DNAJC6: variants seen among roughly 807,000 people sequenced by gnomAD.
DNAJC6 encodes the protein DnaJ heat shock protein family (Hsp40) member C6.
Under a neutral mutation model 110.0 loss-of-function variants are expected in DNAJC6, and 34 were observed. The observed-to-expected ratio is 0.31, with a 90% CI of 0.24 to 0.41. DNAJC6 has a LOEUF of 0.41. DNAJC6 is among the 10% of genes least tolerant of loss of function. DNAJC6 has a pLI of 1.00. For synonymous variants in DNAJC6, 406 were observed against 437.2 expected (o/e 0.93, Z 0.89); for missense variants, 1,031 against 1,207.8 (o/e 0.85, Z 2.17).
chr1:65,379,685 T>G, intron 5 of DNAJC6, 161 bp downstream of exon 5: 1 of 1,100,004 alleles, frequency 9.1e-7, no homozygotes, highest in Non-Finnish European at 1.3e-6. Context: ...GAAAGGGATT[T>G]ATTATTCTTG....
At chr1:65,347,599 G>A (rs898253541) in intron 1 of DNAJC6, among the ~76,000 whole-genome samples, 17 of 151,900 alleles carry the variant, frequency 1.1e-4, no homozygotes, top group African/African-American at 4.1e-4. Context: ...ACAAAATATA[G>A]GTAATGTTTA....
chr1:65,399,217 T>C (rs917452714), intron 14 of DNAJC6, among the ~76,000 whole-genome samples: 3 of 152,286 alleles, frequency 2.0e-5, no homozygotes, highest in East Asian at 3.9e-4. Context: ...ATCTGAACAA[T>C]GGGGATAATA....
At chr1:65,408,054 A>C (rs1198768906) in intron 16 of DNAJC6, among the ~76,000 whole-genome samples, 2 of 152,214 alleles carry the variant, frequency 1.3e-5, no homozygotes, top group Non-Finnish European at 1.5e-5. Context: ...GTTGAGGAGT[A>C]GAGATAATAA....
At chr1:65,297,258 G>A (rs1644937479) in intron 1 of DNAJC6, among the ~76,000 whole-genome samples, 2 of 152,158 alleles carry the variant, frequency 1.3e-5, no homozygotes, top group African/African-American at 2.4e-5. Flanking sequence ...AGGGAAATTA[G>A]CTGGTCCTAG....
intron 1 of DNAJC6, among the ~76,000 whole-genome samples, chr1:65,273,599 G>GA (rs960125897): frequency 7.4e-5 from 11 of 148,734 alleles, no homozygotes; most frequent in South Asian, 2.1e-4. Context: ...CTGTCTCAAT[G>GA]AAAAAAAAAA....
At chr1:65,408,896 G>T (rs1302904946) in intron 17 of DNAJC6, 113 bp downstream of exon 17, 2 of 1,286,388 alleles carry the variant, frequency 1.6e-6, no homozygotes, top group Non-Finnish European at 2.1e-6. Flanking sequence ...GCCCATTCAG[G>T]CTGCTATAAC....
rs1392362771 is a variant in DNAJC6, at chr1:65,401,775, G to A, written c.2122G>A (p.Gly708Arg). The stretch of plus-strand genomic sequence containing the variant: ...TTCCTTTTCAGGAGGCTTTGGAATG[G>A]GAAGCAAGTCAGCTGCCACCAGCCC... ...WHAKPGGFGMGSKSAATSPTG... is the reference protein window; with the variant it reads ...WHAKPGGFGMRSKSAATSPTG... The change falls in exon 15 of 19, where the codon GGA (glycine) becomes AGA (arginine). Residue 708 changes from glycine to arginine, a missense_variant. Gly to Arg is a moderately radical substitution (Grantham distance 125, BLOSUM62 -2). Coordinates refer to ENST00000371069, the MANE Select transcript of DNAJC6 (RefSeq NM_001256864.2). The A allele has an allele frequency of 4.2e-5, 67 of 1,612,592 alleles. No homozygotes were observed. In the Admixed American group the frequency reaches 1.1e-3, roughly 27 times the overall value.
At chr1:65,336,833 T>C (rs1459522909) in intron 1 of DNAJC6, among the ~76,000 whole-genome samples, 1 of 152,236 alleles carries the variant, frequency 6.6e-6, no homozygotes. Flanking sequence ...TAGTCCTTAC[T>C]ATCCTCAAAT....
chr1:65,286,186 T>G (rs573494571), intron 1 of DNAJC6, among the ~76,000 whole-genome samples: 4 of 152,224 alleles, frequency 2.6e-5, no homozygotes, highest in African/African-American at 7.2e-5. Context: ...CTTTTGTTAA[T>G]TAGGGTTCAG....
At chr1:65,406,246 G>A in intron 16 of DNAJC6, 113 bp downstream of exon 16, 1 of 1,379,374 alleles carries the variant, frequency 7.2e-7, no homozygotes, top group Non-Finnish European at 9.9e-7. Context: ...CAATTCAGTA[G>A]TTTCTGAGGG....
At position 65,290,424 on chromosome 1, in the gene DNAJC6, G is replaced by A. The variant is rs184709640; in HGVS notation, c.-131+25492G>A. Among the ~76,000 whole-genome samples, 192 of 152,236 alleles carry A rather than the reference G, an allele frequency of 1.3e-3. 1 individual carries two copies. The highest frequency in any genetic ancestry group is 4.1e-3 in the African/African-American group (169 of 41,544). ...TGAGTACTGTTTAAGAATTCTGTTTGCGTCAATATCGTGATATTACTTTAT... is the reference window on the plus strand; with the variant it reads ...TGAGTACTGTTTAAGAATTCTGTTTACGTCAATATCGTGATATTACTTTAT... On this transcript the variant is annotated intron_variant, in intron 1 of 19. Coordinates refer to the DNAJC6 transcript ENST00000263441.
chr1:65,362,377 A>T (rs755333240), intron 1 of DNAJC6, among the ~76,000 whole-genome samples: 4 of 152,210 alleles, frequency 2.6e-5, no homozygotes, highest in Non-Finnish European at 5.9e-5. Context: ...GAATATTTTT[A>T]TTATTCTTTA....
rs1646156975 is a variant in DNAJC6, at chr1:65,414,785, T to C, written c.*1760T>C. 1 of 152,670 alleles carries C rather than the reference T, an allele frequency of 6.6e-6. No individual in the cohort carries two copies. The highest frequency in any genetic ancestry group is 1.5e-5 in the Non-Finnish European group (1 of 68,038). 9.5% of individuals were successfully genotyped at this position (152,670 alleles called of 1,614,324 possible). ...AGTATGTGCTTGTCTTATTTAAAAT[T>C]GGAATGTGAGACATGTTGCTGTGAC... On this transcript the variant is annotated 3_prime_UTR_variant, in exon 19 of 19. Coordinates refer to ENST00000371069, the MANE Select transcript of DNAJC6 (RefSeq NM_001256864.2).
chr1:65,324,955 T>C (rs145279591), intron 1 of DNAJC6, among the ~76,000 whole-genome samples: 1,861 of 152,264 alleles, frequency 0.012, 19 homozygotes, highest in Admixed American at 0.021. Flanking sequence ...GAATGTGAAT[T>C]GAAGTTAATG....
At chr1:65,411,744 C>T (rs963345998) in intron 18 of DNAJC6, among the ~76,000 whole-genome samples, 2 of 151,678 alleles carry the variant, frequency 1.3e-5, no homozygotes, top group African/African-American at 4.8e-5. Context: ...GCAGGGTAGG[C>T]GAATCGCTCG....
Position 65,326,931 on chromosome 1 carries a change from C to G in DNAJC6, c.193+16993C>G, listed in dbSNP as rs180971613. The stretch of plus-strand genomic sequence containing the variant: ...TAGACAGACTAGGGCATGTGAGGAA[C>G]CTGTCTTATGTTGAGATGGATGGCA... On this transcript the variant is annotated intron_variant, in intron 1 of 18. Transcript: ENST00000371069. 1.5e-4 allele frequency among the ~76,000 whole-genome samples: 23 copies of G among 152,238 alleles called. No individual in the cohort carries two copies. In the South Asian group the frequency reaches 2.5e-3, roughly 16 times the overall value.
intron 14 of DNAJC6, among the ~76,000 whole-genome samples, chr1:65,401,068 T>G (rs1646025841): frequency 1.3e-5 from 2 of 152,154 alleles, no homozygotes; most frequent in South Asian, 4.1e-4. Flanking sequence ...TGATGATTAG[T>G]GTTGTTAGGA....
At chr1:65,273,917 T>C (rs907593943) in intron 1 of DNAJC6, among the ~76,000 whole-genome samples, 1 of 152,172 alleles carries the variant, frequency 6.6e-6, no homozygotes, top group Admixed American at 6.5e-5. Context: ...TATGTTGTAC[T>C]TAAAAGAATG....
intron 4 of DNAJC6, among the ~76,000 whole-genome samples, chr1:65,373,311 G>A (rs1645725774): frequency 6.6e-6 from 1 of 152,006 alleles, no homozygotes; most frequent in South Asian, 2.1e-4. Flanking sequence ...CCTTTCTTTT[G>A]GATATATACC....
Sources: allele counts gnomAD v4.1 joint callset (sites outside exome capture counted in the v4.1 genomes callset), GRCh38; gene constraint gnomAD v4.1.1; transcripts MANE v1.5; gene names NCBI Gene and HGNC (gene_info 2026-07-23, HGNC 2026-07-21).